The following ESR1 variants were observed in gnomAD, a reference collection of about 807,000 sequenced individuals.
ESR1 encodes the protein estrogen receptor.
A neutral mutation model predicts 52.7 loss-of-function variants in ESR1; 12 were observed. The observed-to-expected ratio is 0.23, with a 90% CI of 0.15 to 0.37. The LOEUF (loss-of-function observed/expected upper bound fraction) is 0.37. Ranked by LOEUF, ESR1 falls within the 10% of genes least tolerant of loss-of-function variation. The probability of loss-of-function intolerance (pLI) is 1.00; values close to 1 mark genes in which losing one functional copy is unlikely to be tolerated. For synonymous variants in ESR1, 305 were observed against 316.8 expected, an observed-to-expected ratio of 0.96 and a Z score of 0.39; for missense variants, 584 against 779.7, an observed-to-expected ratio of 0.75 and a Z score of 2.99.
At chr6:151,964,187 T>C (rs2037994925) in intron 4 of ESR1, among the ~76,000 whole-genome samples, 1 of 152,204 alleles carries the variant, frequency 6.6e-6, no homozygotes, top group African/African-American at 2.4e-5. Flanking sequence ...TTAAAGATTA[T>C]TTTTTCTATT....
chr6:151,722,578 T>C (rs1274829881), intron 2 of ESR1, among the ~76,000 whole-genome samples: 1 of 152,236 alleles, frequency 6.6e-6, no homozygotes, highest in Non-Finnish European at 1.5e-5. Context: ...AAAACCATTG[T>C]CTTTCCTTAA....
Position 151,808,181 on chromosome 6 carries a change from G to T in ESR1, c.269G>T (p.Gly90Val), listed in dbSNP as rs746521050. Reference protein sequence around the residue: ...YGPGSEAAAFGSNGLGGFPPL... With the variant: ...YGPGSEAAAFVSNGLGGFPPL... Reference sequence around the variant, plus strand: ...CCCGGGTCTGAGGCTGCGGCGTTCGGCTCCAACGGCCTGGGGGGTTTCCCC... The same window carrying T: ...CCCGGGTCTGAGGCTGCGGCGTTCGTCTCCAACGGCCTGGGGGGTTTCCCC... The change falls in exon 1 of 8, where the codon GGC becomes GTC. Residue 90 changes from glycine to valine, a missense_variant. By Grantham distance (109) the Gly-to-Val change is moderately radical (BLOSUM62 -3). Coordinates refer to ENST00000206249, the MANE Select transcript of ESR1 (RefSeq NM_000125.4). 1.3e-6 allele frequency: 2 copies of T among 1,580,784 alleles called. No individual in the cohort carries two copies. Among genetic ancestry groups the T allele is most frequent in the Admixed American group, 1.8e-5 (1 of 55,440 alleles).
chr6:151,775,414 G>C (rs1272751642), intron 2 of ESR1, among the ~76,000 whole-genome samples: 2 of 152,008 alleles, frequency 1.3e-5, no homozygotes, highest in African/African-American at 4.8e-5. Context: ...TTTGAATTTT[G>C]GATTTTTGGA....
chr6:151,751,594 C>G (rs1418416095), intron 2 of ESR1, among the ~76,000 whole-genome samples: 1 of 152,104 alleles, frequency 6.6e-6, no homozygotes, highest in African/African-American at 2.4e-5. Flanking sequence ...GGGGAAAAAT[C>G]CCAAATAGAA....
At chr6:152,021,071 C>T (rs1306873700) in intron 5 of ESR1, among the ~76,000 whole-genome samples, 3 of 152,086 alleles carry the variant, frequency 2.0e-5, no homozygotes, top group African/African-American at 7.2e-5. Flanking sequence ...TTGAAGGATA[C>T]AAAGTATTAA....
intron 2 of ESR1, among the ~76,000 whole-genome samples, chr6:151,749,192 CAAA>C (rs34553218): frequency 1.9e-3 from 222 of 117,484 alleles, no homozygotes; most frequent in African/African-American, 1.8e-3. Context: ...TGGGAAAAGA[CAAA>C]AAAAAAAAAA....
chr6:151,856,130 A>T (rs1352441941), intron 2 of ESR1, among the ~76,000 whole-genome samples: 1 of 152,206 alleles, frequency 6.6e-6, no homozygotes, highest in Non-Finnish European at 1.5e-5. Flanking sequence ...GATGTGAGTG[A>T]TGTACTATTT....
chr6:152,119,260 C>G (rs758344348), intron 6 of ESR1, among the ~76,000 whole-genome samples: 29 of 152,224 alleles, frequency 1.9e-4, no homozygotes, highest in Non-Finnish European at 3.2e-4. Context: ...AATCTCAGGC[C>G]TCGGCATGTT....
At chr6:152,033,858 A>G (rs568333298) in intron 5 of ESR1, among the ~76,000 whole-genome samples, 4 of 152,174 alleles carry the variant, frequency 2.6e-5, no homozygotes, top group African/African-American at 9.7e-5. Context: ...TGTTTATTGC[A>G]GCACTATTCA....
Position 151,808,132 on chromosome 6 carries a change from G to C in ESR1, c.220G>C (p.Gly74Arg), listed in dbSNP as rs775435150. ...GGCCGCCGCCAACGCGCAGGTCTACGGTCAGACCGGCCTCCCCTACGGCCC... is the reference window on the plus strand; with the variant it reads ...GGCCGCCGCCAACGCGCAGGTCTACCGTCAGACCGGCCTCCCCTACGGCCC... Reference protein sequence around the residue: ...AAAAANAQVYGQTGLPYGPGS... With the variant: ...AAAAANAQVYRQTGLPYGPGS... The change falls in exon 1 of 8, where the codon GGT (glycine) becomes CGT (arginine). Residue 74 changes from glycine to arginine, a missense_variant. Gly to Arg is a moderately radical substitution (Grantham distance 125). Transcript: ENST00000206249. 1.2e-5 allele frequency: 19 copies of C among 1,607,402 alleles called. No individual in the cohort carries two copies. The highest frequency in any genetic ancestry group is 1.7e-5 in the Admixed American group (1 of 59,326).
intron 1 of ESR1, among the ~76,000 whole-genome samples, chr6:151,832,123 G>A (rs1412092180): frequency 6.6e-6 from 1 of 152,206 alleles, no homozygotes; most frequent in Non-Finnish European, 1.5e-5. Flanking sequence ...TGAGATAGAT[G>A]TATTAAGTTT....
At chr6:151,676,138 G>T (rs1778243601) in intron 1 of ESR1, among the ~76,000 whole-genome samples, 1 of 152,202 alleles carries the variant, frequency 6.6e-6, no homozygotes, top group Non-Finnish European at 1.5e-5. Context: ...AAGAGCAAAG[G>T]TGCAGGGGTC....
chr6:151,664,240 A>G (rs1376167641), intron 1 of ESR1, among the ~76,000 whole-genome samples: 1 of 152,224 alleles, frequency 6.6e-6, no homozygotes, highest in Non-Finnish European at 1.5e-5. Flanking sequence ...GATGGAAGTG[A>G]ACTCTACTTT....
At chr6:152,113,695 C>A (rs1281582270) in intron 6 of ESR1, among the ~76,000 whole-genome samples, 1 of 152,176 alleles carries the variant, frequency 6.6e-6, no homozygotes, top group African/African-American at 2.4e-5. Flanking sequence ...GTGGGAAGAT[C>A]TGGTAATTCC....
At chr6:152,109,476 G>A (rs2051105600) in intron 6 of ESR1, among the ~76,000 whole-genome samples, 2 of 151,558 alleles carry the variant, frequency 1.3e-5, no homozygotes, top group African/African-American at 4.9e-5. Flanking sequence ...GACCAGTCTG[G>A]GCAACATGGA....
intron 1 of ESR1, among the ~76,000 whole-genome samples, chr6:151,675,947 G>A (rs1778235904): frequency 6.6e-6 from 1 of 152,220 alleles, no homozygotes; most frequent in Non-Finnish European, 1.5e-5. Context: ...CTCCAGAAGG[G>A]AAGGCCAGCA....
At chr6:151,771,990 A>G (rs1181901721) in intron 2 of ESR1, among the ~76,000 whole-genome samples, 1 of 152,176 alleles carries the variant, frequency 6.6e-6, no homozygotes, top group Non-Finnish European at 1.5e-5. Flanking sequence ...GGTTGTTTTG[A>G]AAAGAAGGGT....
intron 5 of ESR1, among the ~76,000 whole-genome samples, chr6:152,042,543 A>G (rs2045893685): frequency 6.6e-6 from 1 of 152,184 alleles, no homozygotes; most frequent in Non-Finnish European, 1.5e-5. Context: ...GAGTCACTGC[A>G]TAAATTGTCA....
Position 152,053,385 on chromosome 6 carries a change from CTGCCAGTTTCT to C in ESR1, c.1236-7601_1236-7591del, listed in dbSNP as rs1414875923. ...GCTGTTGCTCCCAAATTGCCTCCCT[CTGCCAGTTTCT>C]TGCCCCTTCCTCCTTCTGTCTCTCC... On this transcript the variant is annotated intron_variant, in intron 5 of 7. Transcript: ENST00000206249. The surrounding 1 kb of genome is among the most constrained non-coding windows in gnomAD (Gnocchi z 4.1). Among the ~76,000 whole-genome samples, 1 of 152,126 alleles carries C rather than the reference CTGCCAGTTTCT, an allele frequency of 6.6e-6. No homozygotes were observed. The highest frequency in any genetic ancestry group is 6.6e-5 in the Admixed American group (1 of 15,266).
Sources: gnomAD v4.1 joint callset for allele counts (sites outside exome capture counted in the v4.1 genomes callset) on GRCh38, gnomAD v4.1.1 for gene constraint, Gnocchi (gnomAD v3.1) non-coding constraint, MANE v1.5 for transcripts, NCBI Gene and HGNC (gene_info 2026-07-23, HGNC 2026-07-21) for gene names.